CPT1B: variants seen among roughly 807,000 people sequenced by gnomAD.
CPT1B encodes the protein carnitine O-palmitoyltransferase 1, muscle isoform.
CPT1B carries 57 observed loss-of-function variants against 92.7 expected under a neutral mutation model. That is an observed-to-expected ratio of 0.62 (90% CI 0.50 to 0.77). CPT1B has a LOEUF of 0.77. Ranked by LOEUF, CPT1B falls within the 30% of genes least tolerant of loss-of-function variation. The pLI, the probability that CPT1B is intolerant of heterozygous loss-of-function variation, is 0.00. For synonymous variants in CPT1B, 398 were observed against 383.5 expected (o/e 1.04, Z -0.44); for missense variants, 983 against 1,017.4 (o/e 0.97, Z 0.46).
Position 50,572,629 on chromosome 22 carries a change from T to TA in CPT1B, c.1352+245dup, listed in dbSNP as rs370786440. Among the ~76,000 whole-genome samples the TA allele has an allele frequency of 8.9e-3, 1,359 of 151,990 alleles. 24 individuals carry two copies. Among genetic ancestry groups the TA allele is most frequent in the African/African-American group, 0.031 (1,304 of 41,422 alleles). Reference sequence around the variant, plus strand: ...AACCCTAGCTTTTAACCCTAGCCACTAGCCCTACCCAACCACTAATCACAA... The same window carrying TA: ...AACCCTAGCTTTTAACCCTAGCCACTAAGCCCTACCCAACCACTAATCACAA... On this transcript the variant is annotated intron_variant, in intron 11 of 19. Transcript: ENST00000312108.
At chr22:50,571,945 CG>C (rs1470684368) in intron 13 of CPT1B, 60 bp downstream of exon 13, 20 of 1,485,660 alleles carry the variant, frequency 1.3e-5, no homozygotes, top group Non-Finnish European at 1.9e-5. Flanking sequence ...CAGGCCTCGT[CG>C]GGGCTGTACC....
chr22:50,576,351 T>C lies in CPT1B; in HGVS notation c.562-16A>G. On this transcript the variant is annotated splice_polypyrimidine_tract_variant and intron_variant, in intron 5 of 19. Transcript: ENST00000312108. ...ACTCTAGGTACTGTCCAGCCAGTTA[T>C]CATCACCGTGGGGCCAGATGGCAAG... The C allele has an allele frequency of 6.2e-7, 1 of 1,613,922 alleles. No homozygotes were observed. Among genetic ancestry groups the C allele is most frequent in the South Asian group, 1.1e-5 (1 of 91,076 alleles).
intron 11 of CPT1B, among the ~76,000 whole-genome samples, 163 bp downstream of exon 11, chr22:50,572,712 T>C (rs956733165): frequency 2.0e-5 from 3 of 152,236 alleles, no homozygotes; most frequent in African/African-American, 7.2e-5. Context: ...CTTGAGCTCC[T>C]GCACTCAAGT....
chr22:50,577,681 T>C (rs1047691556), intron 2 of CPT1B, 94 bp downstream of exon 2: 10 of 1,539,974 alleles, frequency 6.5e-6, no homozygotes, highest in Middle Eastern at 1.7e-4. Flanking sequence ...CGGGCAGAAG[T>C]GCCAGCCAAG....
chr22:50,577,489 T>C lies in CPT1B; in HGVS notation c.142-26A>G, dbSNP rs774662034. On this transcript the variant is annotated intron_variant, in intron 2 of 19. Coordinates refer to ENST00000312108, the MANE Select transcript of CPT1B (RefSeq NM_152246.3). ...CTGTGGGCAGAAACAGGCGCCCTTA[T>C]GGAGCCGGAAGGCGGGAGGTTAGCC... 22 of 1,612,170 alleles carry C rather than the reference T, an allele frequency of 1.4e-5. No homozygotes were observed. The East Asian group carries it at 4.9e-4, about 36-fold the overall frequency.
intron 12 of CPT1B, 37 bp from the exon 13 acceptor site, chr22:50,572,159 T>C (rs1410868340): frequency 1.2e-6 from 2 of 1,611,740 alleles, no homozygotes; most frequent in South Asian, 2.2e-5. Flanking sequence ...GCTGGCCTCA[T>C]CCCCTACAGC....
rs2070058675 is a variant in CPT1B, at chr22:50,569,569, G to A, written c.2235+7C>T. ...TCCTCAGGCCTGAGCTGTGGCAGGA[G>A]ACTCACCGTCTCTGAGCTTGAGAAC... On this transcript the variant is annotated splice_region_variant and intron_variant, in intron 18 of 19. Coordinates refer to ENST00000312108, the MANE Select transcript of CPT1B (RefSeq NM_152246.3). 1 of 1,613,442 alleles carries A rather than the reference G, an allele frequency of 6.2e-7. No homozygotes were observed.
intron 16 of CPT1B, 85 bp downstream of exon 16, chr22:50,570,806 C>A: frequency 6.5e-6 from 10 of 1,534,724 alleles, no homozygotes; most frequent in Non-Finnish European, 8.8e-6. Flanking sequence ...GCCAGGAAAA[C>A]AGGCCGTGCT....
intron 13 of CPT1B, 67 bp from the exon 14 acceptor site, chr22:50,571,606 G>C (rs2070178920): frequency 9.7e-6 from 15 of 1,543,734 alleles, no homozygotes; most frequent in Non-Finnish European, 1.2e-5. Context: ...GTCATGTCTA[G>C]GAGGCATGAC....
rs770692414 is a variant in CPT1B, at chr22:50,571,532, G to A, written c.1583C>T (p.Ala528Val). 7.8e-5 allele frequency: 126 copies of A among 1,611,626 alleles called. No homozygotes were observed. Among genetic ancestry groups the A allele is most frequent in the South Asian group, 2.1e-4 (19 of 91,060 alleles). The change falls in exon 14 of 20, where the codon GCG (alanine) becomes GTG (valine). Residue 528 changes from alanine to valine, a missense_variant. Ala to Val is a moderately conservative substitution (Grantham distance 64, BLOSUM62 0). Transcript: ENST00000312108. ...LQWDIPKQCQ[A>V]VIESSYQVAK... ...CACCTGGTAGGAACTCTCGATGACC[G>A]CCTGGCACTGCCAAGACATGGGAAG...
chr22:50,569,566 G>A lies in CPT1B; in HGVS notation c.2235+10C>T. The A allele has an allele frequency of 6.2e-7, 1 of 1,613,214 alleles. No homozygotes were observed. On this transcript the variant is annotated intron_variant, in intron 18 of 19. Transcript: ENST00000312108. Reference sequence around the variant, plus strand: ...CCTTCCTCAGGCCTGAGCTGTGGCAGGAGACTCACCGTCTCTGAGCTTGAG... The same window carrying A: ...CCTTCCTCAGGCCTGAGCTGTGGCAAGAGACTCACCGTCTCTGAGCTTGAG...
rs745528078 is a variant in CPT1B, at chr22:50,577,366, G to A, written c.239C>T (p.Ser80Phe). The A allele has an allele frequency of 2.0e-5, 33 of 1,613,874 alleles. 1 individual carries two copies. In the Admixed American group the frequency reaches 5.0e-4, roughly 24 times the overall value. ...CTGGATGCAACTGACCAGCCCCAAGGAGATGTCCACGTTGCAGAAGGAGGA... is the reference window on the plus strand; with the variant it reads ...CTGGATGCAACTGACCAGCCCCAAGAAGATGTCCACGTTGCAGAAGGAGGA... The part of the protein sequence containing the change: ...VGSSFCNVDI[S>F]LGLVSCIQRC... The change falls in exon 3 of 20, where the codon TCC becomes TTC. Residue 80 changes from serine to phenylalanine, a missense_variant. Physicochemically the swap from Ser to Phe is radical, Grantham distance 155 (BLOSUM62 -2). Transcript: ENST00000312108.
chr22:50,575,936 G>A, intron 7 of CPT1B, 99 bp downstream of exon 7: 2 of 1,141,628 alleles, frequency 1.8e-6, no homozygotes, highest in Non-Finnish European at 1.3e-6. Flanking sequence ...CTTGCCCACG[G>A]AAGCTGCTAC....
At chr22:50,576,739 A>G (rs1459887386) in intron 4 of CPT1B, 102 bp from the exon 5 acceptor site, 7 of 1,553,666 alleles carry the variant, frequency 4.5e-6, no homozygotes, top group Non-Finnish European at 5.3e-6. Context: ...CCCCTCCAGG[A>G]CAAACCACAC....
intron 13 of CPT1B, 76 bp downstream of exon 13, chr22:50,571,930 A>C (rs1400606106): frequency 8.3e-6 from 11 of 1,326,970 alleles, no homozygotes; most frequent in Non-Finnish European, 1.2e-5. Flanking sequence ...GGGGAGGAGG[A>C]GGCTCAGGCC....
rs913036029 is a variant in CPT1B at position 50,569,205 on chromosome 22, G to C, written c.*3-124C>G. 4.9e-6 allele frequency: 4 copies of C among 810,682 alleles called. No homozygotes were observed. In the African/African-American group the frequency reaches 6.9e-5, roughly 14 times the overall value. 50.2% of individuals were successfully genotyped at this position (810,682 alleles called of 1,614,324 possible). On this transcript the variant is annotated intron_variant, in intron 19 of 19. Coordinates refer to ENST00000312108, the MANE Select transcript of CPT1B (RefSeq NM_152246.3). ...GCCCTCAGGGAGCAGCATCTGCCCA[G>C]CGAGGACCTGCTGCCGGAGCTGTCC... is the stretch of plus-strand genomic sequence containing the variant.
rs764431828 is a variant in CPT1B, at chr22:50,569,385, G to A, written c.2272C>T (p.Leu758=). ...QRFGNHIRKA[L]LDIADLFQVP... ...TGGAAAAGATCAGCAATGTCCAGCA[G>A]GGCTTTGCGGATGTGGTTTCCAAAG... is the stretch of plus-strand genomic sequence containing the variant. The change falls in exon 19 of 20, where the codon CTG becomes TTG. Residue 758 remains leucine, a synonymous_variant. Coordinates refer to ENST00000312108, the MANE Select transcript of CPT1B (RefSeq NM_152246.3). 1.3e-5 allele frequency: 21 copies of A among 1,614,060 alleles called. No homozygotes were observed. The highest frequency in any genetic ancestry group is 1.7e-6 in the Non-Finnish European group (2 of 1,180,040).
intron 2 of CPT1B, 22 bp from the exon 3 acceptor site, chr22:50,577,485 C>T (rs1251308260): frequency 6.2e-7 from 1 of 1,612,282 alleles, no homozygotes; most frequent in Non-Finnish European, 8.5e-7. Context: ...AACAGGCGCC[C>T]TTATGGAGCC....
intron 13 of CPT1B, 175 bp downstream of exon 13, chr22:50,571,831 G>C: frequency 2.8e-6 from 2 of 726,388 alleles, no homozygotes; most frequent in East Asian, 2.5e-5. Context: ...GGTGGTCTCT[G>C]TCCTCCCTGA....
Sources: gnomAD v4.1 joint callset for allele counts (sites outside exome capture counted in the v4.1 genomes callset) on GRCh38, gnomAD v4.1.1 for gene constraint, MANE v1.5 for transcripts, NCBI Gene and HGNC (gene_info 2026-07-23, HGNC 2026-07-21) for gene names.